RBM25: variants seen among roughly 807,000 people sequenced by gnomAD.
The protein encoded by RBM25 is RNA-binding protein 25.
Under a neutral mutation model 120.7 loss-of-function variants are expected in RBM25, and 19 were observed. The ratio of observed to expected loss-of-function variants is 0.16; its 90% CI spans 0.11 to 0.23. The LOEUF (loss-of-function observed/expected upper bound fraction) is 0.23. RBM25 is among the 10% of genes least tolerant of loss of function. The pLI is 1.00. For synonymous variants in RBM25, 390 were observed against 326.7 expected (o/e 1.19, Z -2.09); for missense variants, 605 against 1,041.5 (o/e 0.58, Z 5.77).
At chr14:73,081,501 A>AT (rs35966653) in intron 4 of RBM25, among the ~76,000 whole-genome samples, 2 of 151,256 alleles carry the variant, frequency 1.3e-5, no homozygotes, top group South Asian at 2.1e-4. Context: ...TTATCCTTGG[A>AT]TTTTTTTCTG....
In RBM25 at chr14:73,099,595, T is replaced by G; in HGVS notation, c.784-72T>G. 1.9e-6 allele frequency: 3 copies of G among 1,586,296 alleles called. 1 individual carries two copies. The South Asian group carries it at 3.5e-5, about 19-fold the overall frequency. On this transcript the variant is annotated intron_variant, in intron 8 of 18. Coordinates refer to ENST00000261973, the MANE Select transcript of RBM25 (RefSeq NM_021239.3). ...TACTCTTTGAGACCTATACAGAATA[T>G]CTAACCTTTAACTGTTTATATTGAA... is the stretch of plus-strand genomic sequence containing the variant.
chr14:73,111,765 T>A lies in RBM25; in HGVS notation c.2255T>A (p.Leu752His). The A allele has an allele frequency of 6.2e-7, 1 of 1,611,780 alleles. No homozygotes were observed. The highest frequency in any genetic ancestry group is 8.5e-7 in the Non-Finnish European group (1 of 1,179,374). ...AAAATCCCTACAGCCAAACCTGAGC[T>A]CTTCGCTTATCCCCTGGATTGGTCT... The part of the protein sequence containing the change: ...IEKIPTAKPE[L>H]FAYPLDWSIV... Residue 752 changes from leucine (L) to histidine (H), a missense_variant, in exon 16 of 19, where the codon CTC becomes CAC. Coordinates refer to ENST00000261973, the MANE Select transcript of RBM25 (RefSeq NM_021239.3).
intron 5 of RBM25, 126 bp from the exon 6 acceptor site, chr14:73,087,875 G>C: frequency 1.2e-6 from 1 of 856,946 alleles, no homozygotes; most frequent in East Asian, 2.7e-5. Context: ...GGTGGACAGG[G>C]GTGGAATTAT....
intron 4 of RBM25, among the ~76,000 whole-genome samples, chr14:73,079,054 A>C (rs550216174): frequency 6.6e-6 from 1 of 151,402 alleles, no homozygotes; most frequent in South Asian, 2.1e-4. Context: ...TTGTTGATTC[A>C]CTTTTTTTAC....
chr14:73,107,482 A>T (rs923109301), intron 12 of RBM25: 1 of 210,414 alleles, frequency 4.8e-6, no homozygotes, highest in Non-Finnish European at 9.4e-6. Flanking sequence ...CTGTAGAGAG[A>T]TAGCTGCACA....
At chr14:73,107,208 T>G (rs1265748091) in intron 12 of RBM25, 1 of 152,292 alleles carries the variant, frequency 6.6e-6, no homozygotes, top group African/African-American at 2.4e-5. Context: ...TTTTGAAGAT[T>G]ATATTCAAAG....
chr14:73,063,096 A>C (rs1266126116), intron 1 of RBM25, among the ~76,000 whole-genome samples: 1 of 150,992 alleles, frequency 6.6e-6, no homozygotes, highest in Non-Finnish European at 1.5e-5. Flanking sequence ...CGCCGGGATT[A>C]CAGGTATGAG....
intron 6 of RBM25, among the ~76,000 whole-genome samples, chr14:73,091,273 C>T (rs998472973): frequency 6.6e-6 from 1 of 152,130 alleles, no homozygotes; most frequent in South Asian, 2.1e-4. Flanking sequence ...CACCCAGGCT[C>T]GAGTGTGGGG....
chr14:73,083,087 A>T (rs2140436804), intron 4 of RBM25, among the ~76,000 whole-genome samples: 1 of 152,268 alleles, frequency 6.6e-6, no homozygotes, highest in African/African-American at 2.4e-5. Flanking sequence ...CTCAAAAGAA[A>T]AAAAAATCCT....
chr14:73,114,225 T>C (rs1896375733), intron 17 of RBM25, 61 bp from the exon 18 acceptor site: 4 of 1,236,304 alleles, frequency 3.2e-6, no homozygotes, highest in Non-Finnish European at 4.5e-6. Flanking sequence ...CCTTAAAATT[T>C]CTTGACTGTA....
At position 73,122,689 on chromosome 14, in the gene RBM25, GGT is replaced by G. The variant is rs1292469375; in HGVS notation, c.*2885_*2886del. Reference sequence around the variant, plus strand: ...TGTACATCTGTTCACAAGGAAGAAAGGTAAGTTTGAAGTTGTTTTTCTTAAAC... The same window carrying G: ...TGTACATCTGTTCACAAGGAAGAAAGAAGTTTGAAGTTGTTTTTCTTAAAC... On this transcript the variant is annotated 3_prime_UTR_variant, in exon 19 of 19. Transcript: ENST00000261973. 6.6e-6 allele frequency: 1 copy of G among 152,182 alleles called. No homozygotes were observed. Among genetic ancestry groups the G allele is most frequent in the Non-Finnish European group, 1.5e-5 (1 of 68,032 alleles). 9.4% of individuals were successfully genotyped at this position (152,182 alleles called of 1,614,324 possible). A position where few individuals can be genotyped will look rare whatever the true frequency, so the allele number is the denominator to read the frequency against.
At chr14:73,102,912 T>C in intron 9 of RBM25, 1 of 346,014 alleles carries the variant, frequency 2.9e-6, no homozygotes, top group Non-Finnish European at 5.1e-6. Flanking sequence ...CATGGTCATT[T>C]TAGTTAGTAC....
At chr14:73,092,680 G>A (rs1594917923) in intron 6 of RBM25, among the ~76,000 whole-genome samples, 1 of 150,488 alleles carries the variant, frequency 6.6e-6, no homozygotes, top group African/African-American at 2.5e-5. Context: ...CCATTAACTC[G>A]TCATTTAACA....
At chr14:73,118,336 G>A (rs1167167887) in intron 18 of RBM25, among the ~76,000 whole-genome samples, 1 of 152,086 alleles carries the variant, frequency 6.6e-6, no homozygotes, top group Non-Finnish European at 1.5e-5. Context: ...AATGTAGCCA[G>A]GAGTAGTGGT....
chr14:73,114,289 A>T lies in RBM25; in HGVS notation c.2395A>T (p.Met799Leu). ...TLVDFVCSKVMAHSSPQSILD... is the reference protein window; with the variant it reads ...TLVDFVCSKVLAHSSPQSILD... ...GACAATTATTTTTCTCTTTTAGGTT[A>T]TGGCTCATAGTTCACCCCAGAGCAT... The change falls in exon 18 of 19, where the codon ATG becomes TTG. Residue 799 changes from methionine (M) to leucine (L), a missense_variant. Physicochemically the swap from Met to Leu is conservative, Grantham distance 15 (BLOSUM62 2). This residue lies in a region of RBM25 where 23 missense variants were observed against 83.2 expected (regional missense o/e 0.28). Transcript: ENST00000261973. The T allele has an allele frequency of 6.4e-7, 1 of 1,556,266 alleles. No individual in the cohort carries two copies. The highest frequency in any genetic ancestry group is 2.0e-4 in the Middle Eastern group (1 of 4,962).
At chr14:73,072,848 TG>T (rs1201927127) in intron 2 of RBM25, among the ~76,000 whole-genome samples, 1 of 152,192 alleles carries the variant, frequency 6.6e-6, no homozygotes, top group Admixed American at 6.5e-5. Flanking sequence ...TGACTTATGA[TG>T]GGTTGTTAAT....
intron 13 of RBM25, chr14:73,109,133 C>T: frequency 2.5e-6 from 1 of 396,276 alleles, no homozygotes; most frequent in Non-Finnish European, 4.6e-6. Flanking sequence ...ATGAAGGGAA[C>T]ATAGTGATAA....
At chr14:73,116,207 A>G (rs1302161899) in intron 18 of RBM25, among the ~76,000 whole-genome samples, 2 of 152,162 alleles carry the variant, frequency 1.3e-5, no homozygotes, top group African/African-American at 4.8e-5. Flanking sequence ...TTAAGAGGAA[A>G]AACCTAATTT....
intron 9 of RBM25, chr14:73,100,132 T>G (rs1896029783): frequency 2.1e-6 from 1 of 472,182 alleles, no homozygotes; most frequent in Admixed American, 3.7e-5. Context: ...ACCTTTTCTT[T>G]AGAGCTGAGA....
Sources: allele counts gnomAD v4.1 joint callset (sites outside exome capture counted in the v4.1 genomes callset), GRCh38; gene constraint gnomAD v4.1.1; regional missense constraint gnomAD v4.1.1; transcripts MANE v1.5; gene names NCBI Gene and HGNC (gene_info 2026-07-23, HGNC 2026-07-21).